The following ATP1B1 variants were observed in gnomAD, a reference collection of about 807,000 sequenced individuals.
ATP1B1 encodes the protein ATPase Na+/K+ transporting subunit beta 1.
A neutral mutation model predicts 39.6 loss-of-function variants in ATP1B1; 3 were observed. That is an observed-to-expected ratio of 0.08 (90% CI 0.03 to 0.20). ATP1B1 has a LOEUF of 0.20. Ranked by LOEUF, ATP1B1 falls within the 10% of genes least tolerant of loss-of-function variation. ATP1B1 has a pLI of 1.00. For missense variants in ATP1B1, 216 were observed against 371.1 expected (o/e 0.58, Z 3.43); for synonymous variants, 139 against 135.0 (o/e 1.03, Z -0.20).
At chr1:169,107,080 G>T (rs1438174766) in intron 1 of ATP1B1, among the ~76,000 whole-genome samples, 154 bp downstream of exon 1, 1 of 152,220 alleles carries the variant, frequency 6.6e-6, no homozygotes, top group Non-Finnish European at 1.5e-5. Context: ...CGCCGGCCTG[G>T]GCTTGCAGTC....
chr1:169,114,794 C>T (rs888446887), intron 2 of ATP1B1, among the ~76,000 whole-genome samples: 3 of 151,970 alleles, frequency 2.0e-5, no homozygotes, highest in African/African-American at 7.3e-5. Context: ...GAGACTGAGG[C>T]AGGAGGATCC....
chr1:169,111,292 G>T (rs1657724726), intron 1 of ATP1B1, 78 bp from the exon 2 acceptor site: 1 of 1,571,524 alleles, frequency 6.4e-7, no homozygotes, highest in African/African-American at 1.4e-5. Flanking sequence ...AAGGAAGCTT[G>T]TTCATCCGTG....
intron 2 of ATP1B1, 95 bp downstream of exon 2, chr1:169,111,593 T>C (rs1473927575): frequency 2.0e-6 from 3 of 1,507,468 alleles, no homozygotes; most frequent in Non-Finnish European, 2.7e-6. Flanking sequence ...TACTCTATAA[T>C]GTAGTCTTAA....
chr1:169,111,613 G>T (rs1156347993), intron 2 of ATP1B1, 115 bp downstream of exon 2: 2 of 1,382,370 alleles, frequency 1.4e-6, no homozygotes, highest in South Asian at 1.5e-5. Flanking sequence ...AAGCAACCAT[G>T]AAAAGGGAAA....
At chr1:169,118,291 T>C (rs1367576837) in intron 2 of ATP1B1, among the ~76,000 whole-genome samples, 1 of 152,194 alleles carries the variant, frequency 6.6e-6, no homozygotes, top group Admixed American at 6.5e-5. Flanking sequence ...TGAGTGTTGG[T>C]AAACATCCAG....
At chr1:169,114,980 C>T (rs1243080465) in intron 2 of ATP1B1, among the ~76,000 whole-genome samples, 2 of 151,870 alleles carry the variant, frequency 1.3e-5, no homozygotes, top group South Asian at 2.1e-4. Flanking sequence ...GTCAGGAGAT[C>T]GAGACCATTC....
chr1:169,108,969 C>G (rs754937922), intron 1 of ATP1B1, among the ~76,000 whole-genome samples: 8 of 152,190 alleles, frequency 5.3e-5, no homozygotes, highest in Non-Finnish European at 1.0e-4. Context: ...GAGAAAATGC[C>G]CCTTTTCCAG....
intron 4 of ATP1B1, among the ~76,000 whole-genome samples, chr1:169,129,450 C>CT (rs771768664): frequency 3.3e-5 from 5 of 152,208 alleles, no homozygotes; most frequent in Non-Finnish European, 7.3e-5. Flanking sequence ...AGTGACACCT[C>CT]TGCCTTTTTT....
At chr1:169,119,427 A>G (rs754887814) in intron 2 of ATP1B1, among the ~76,000 whole-genome samples, 1 of 152,210 alleles carries the variant, frequency 6.6e-6, no homozygotes, top group Non-Finnish European at 1.5e-5. Context: ...ATATAACTTG[A>G]AATTGCGTGC....
chr1:169,115,351 CTTTTTTTT>C (rs536780262), intron 2 of ATP1B1, among the ~76,000 whole-genome samples: 1 of 138,664 alleles, frequency 7.2e-6, no homozygotes, highest in Non-Finnish European at 1.6e-5. Context: ...TTCTTTTTTT[CTTTTTTTT>C]TTTTTTCAAG....
chr1:169,112,431 C>T (rs1254870694), intron 2 of ATP1B1, among the ~76,000 whole-genome samples: 3 of 152,242 alleles, frequency 2.0e-5, no homozygotes, highest in Non-Finnish European at 4.4e-5. Context: ...CTTCCGGGCT[C>T]TCACTTACGA....
At position 169,132,661 on chromosome 1, in the gene ATP1B1, C is replaced by T; in HGVS notation, c.*1106C>T. 3.5e-6 allele frequency: 3 copies of T among 848,628 alleles called. No individual in the cohort carries two copies. The highest frequency in any genetic ancestry group is 5.6e-6 in the Non-Finnish European group (3 of 534,734). 52.6% of individuals were successfully genotyped at this position (848,628 alleles called of 1,614,324 possible). On this transcript the variant is annotated 3_prime_UTR_variant, in exon 6 of 6. Coordinates refer to ENST00000367815, the MANE Select transcript of ATP1B1 (RefSeq NM_001677.4). ...TGTAATAATTGCCAGGAGTACAGTG[C>T]TCTTGTTGATCTTGTATTCAGTCAG...
At position 169,131,256 on chromosome 1, in the gene ATP1B1, T is replaced by C. The variant is rs758139236; in HGVS notation, c.649-36T>C. ...TGAGTACACATAGTGATGCATGATG[T>C]GAGCCATTAAAATTTCATTTCATTC... On this transcript the variant is annotated intron_variant, in intron 5 of 5. Coordinates refer to ENST00000367815, the MANE Select transcript of ATP1B1 (RefSeq NM_001677.4). The surrounding 1 kb of genome is among the most constrained non-coding windows in gnomAD (Gnocchi z 4.4). The C allele has an allele frequency of 6.2e-7, 1 of 1,604,308 alleles. No individual in the cohort carries two copies. The highest frequency in any genetic ancestry group is 8.5e-7 in the Non-Finnish European group (1 of 1,174,764).
chr1:169,122,040 T>G (rs1467101429), intron 2 of ATP1B1, among the ~76,000 whole-genome samples: 2 of 152,302 alleles, frequency 1.3e-5, no homozygotes, highest in Non-Finnish European at 2.9e-5. Flanking sequence ...GGAAACACTG[T>G]TTAACCTTGT....
intron 2 of ATP1B1, among the ~76,000 whole-genome samples, chr1:169,123,238 G>C (rs3766042): frequency 0.44 from 66,685 of 152,030 alleles, 15,750 homozygotes; most frequent in Non-Finnish European, 0.53. Context: ...AGAAGCAGTT[G>C]TAAGCCAAGG....
In ATP1B1 at chr1:169,106,693, C is replaced by G. The variant is rs1443301463; in HGVS notation, c.-137C>G. On this transcript the variant is annotated 5_prime_UTR_variant, in exon 1 of 6. Transcript: ENST00000367815. ...GCTCCTCCGCCGCGCGTCTCGCACT[C>G]CGAGAGCCGCAGCGGCAGCGGCGCG... The G allele has an allele frequency of 1.0e-5, 6 of 598,672 alleles. No homozygotes were observed. The highest frequency in any genetic ancestry group is 6.1e-5 in the African/African-American group (3 of 49,470). The allele number at this position is 598,672 out of a possible 1,614,324, so 37.1% of individuals were successfully genotyped here.
chr1:169,123,890 G>A (rs1003138098), intron 2 of ATP1B1, among the ~76,000 whole-genome samples: 6 of 152,314 alleles, frequency 3.9e-5, no homozygotes, highest in African/African-American at 1.4e-4. Context: ...GCCTCCCAAA[G>A]TGTTGGGATT....
intron 2 of ATP1B1, among the ~76,000 whole-genome samples, chr1:169,115,653 G>A (rs1178859886): frequency 6.6e-6 from 1 of 152,050 alleles, no homozygotes; most frequent in African/African-American, 2.4e-5. Context: ...CTGGTCCAGG[G>A]TTTTTATAGC....
chr1:169,108,541 C>A lies in ATP1B1; in HGVS notation c.97+1615C>A, dbSNP rs369884072. 5.9e-5 allele frequency among the ~76,000 whole-genome samples: 9 copies of A among 152,284 alleles called. No homozygotes were observed. The East Asian group carries it at 1.2e-3, about 20-fold the overall frequency. ...GCAGGGGCTGCATTGACTCTAGGCA[C>A]ATTGTGAAATTTGCCTTCTTGTCTT... On this transcript the variant is annotated intron_variant, in intron 1 of 5. Transcript: ENST00000367815.
Sources: gnomAD v4.1 joint callset for allele counts (sites outside exome capture counted in the v4.1 genomes callset) on GRCh38, gnomAD v4.1.1 for gene constraint, Gnocchi (gnomAD v3.1) non-coding constraint, MANE v1.5 for transcripts, NCBI Gene and HGNC (gene_info 2026-07-23, HGNC 2026-07-21) for gene names.